Variants in THSD7A observed in about 807,000 individuals in gnomAD.
THSD7A encodes the protein thrombospondin type-1 domain-containing protein 7A.
Under a neutral mutation model 231.3 loss-of-function variants are expected in THSD7A, and 96 were observed. That is an observed-to-expected ratio of 0.41 (90% CI 0.35 to 0.49). THSD7A has a LOEUF of 0.49. Ranked by LOEUF, THSD7A falls within the 20% of genes least tolerant of loss-of-function variation. The pLI, the probability that THSD7A is intolerant of heterozygous loss-of-function variation, is 0.05. For synonymous variants in THSD7A, 940 were observed against 743.3 expected (o/e 1.26, Z -4.30); for missense variants, 2,290 against 2,070.2 (o/e 1.11, Z -2.06).
At chr7:11,529,642 C>A (rs953900630) in intron 6 of THSD7A, among the ~76,000 whole-genome samples, 1 of 152,028 alleles carries the variant, frequency 6.6e-6, no homozygotes, top group African/African-American at 2.4e-5. Flanking sequence ...GCATGCCTTG[C>A]TTGCCCTTTG....
chr7:11,816,220 G>C (rs1358144341), intron 1 of THSD7A, among the ~76,000 whole-genome samples: 46 of 152,138 alleles, frequency 3.0e-4, no homozygotes, highest in Admixed American at 2.9e-3. Context: ...CCATAAAATA[G>C]GTACTAAGTG....
At chr7:11,754,947 T>C (rs764633285) in intron 1 of THSD7A, among the ~76,000 whole-genome samples, 1 of 152,054 alleles carries the variant, frequency 6.6e-6, no homozygotes, top group Admixed American at 6.6e-5. Context: ...ATAGTTTATG[T>C]TGAGTAAAAA....
At chr7:11,662,871 T>TA (rs1782983789) in intron 1 of THSD7A, among the ~76,000 whole-genome samples, 2 of 151,180 alleles carry the variant, frequency 1.3e-5, no homozygotes, top group East Asian at 3.9e-4. Context: ...CATATGAAAA[T>TA]AAAAATGTGC....
At chr7:11,749,577 G>A (rs1417933086) in intron 1 of THSD7A, among the ~76,000 whole-genome samples, 1 of 151,868 alleles carries the variant, frequency 6.6e-6, no homozygotes. Context: ...ATTGCTGAAG[G>A]GTATTTGTTT....
chr7:11,389,913 T>C (rs186787659), intron 23 of THSD7A, among the ~76,000 whole-genome samples: 2 of 152,190 alleles, frequency 1.3e-5, no homozygotes, highest in Admixed American at 6.5e-5. Flanking sequence ...TTGAAAATTC[T>C]TTTCTTTAAG....
intron 1 of THSD7A, among the ~76,000 whole-genome samples, chr7:11,745,125 A>G (rs1401655979): frequency 3.3e-5 from 5 of 151,892 alleles, no homozygotes; most frequent in Admixed American, 1.3e-4. Flanking sequence ...ACTTTTTAAT[A>G]ATCGCCACTC....
rs115280117 is a variant in THSD7A, at chr7:11,480,332, T to C, written c.2017+1456A>G. 6.1e-3 allele frequency among the ~76,000 whole-genome samples: 923 copies of C among 152,262 alleles called. 14 individuals carry two copies. Among genetic ancestry groups the C allele is most frequent in the African/African-American group, 0.021 (870 of 41,556 alleles). ...CAAGCATGGCAAAATCCTTGCCATG[T>C]GACTCGGGGTGGGGTGAAAAGTCAT... On this transcript the variant is annotated intron_variant, in intron 7 of 27. Transcript: ENST00000423059.
chr7:11,659,109 C>T (rs900324903), intron 1 of THSD7A, among the ~76,000 whole-genome samples: 1 of 151,672 alleles, frequency 6.6e-6, no homozygotes, highest in African/African-American at 2.4e-5. Context: ...AGTTATTACT[C>T]ATTTGTCACT....
At chr7:11,626,798 A>G (rs1441020588) in intron 2 of THSD7A, among the ~76,000 whole-genome samples, 1 of 152,182 alleles carries the variant, frequency 6.6e-6, no homozygotes, top group East Asian at 1.9e-4. Context: ...TAAAGAAAAT[A>G]TAACAACAGC....
At chr7:11,771,609 C>A (rs1387651538) in intron 1 of THSD7A, among the ~76,000 whole-genome samples, 1 of 149,338 alleles carries the variant, frequency 6.7e-6, no homozygotes, top group African/African-American at 2.5e-5. Flanking sequence ...TTTTTTTTTC[C>A]TGGAGTAAAT....
At chr7:11,756,507 A>G (rs1027841612) in intron 1 of THSD7A, among the ~76,000 whole-genome samples, 1 of 152,102 alleles carries the variant, frequency 6.6e-6, no homozygotes, top group Non-Finnish European at 1.5e-5. Context: ...TGTCTAATGC[A>G]CTTGTTTGGT....
intron 6 of THSD7A, among the ~76,000 whole-genome samples, chr7:11,485,928 G>C (rs1305618363): frequency 1.3e-5 from 2 of 152,152 alleles, no homozygotes; most frequent in African/African-American, 4.8e-5. Context: ...TTAAATTTTT[G>C]ATTTTGCTTT....
At chr7:11,574,691 C>T (rs1359272011) in intron 4 of THSD7A, among the ~76,000 whole-genome samples, 1 of 152,136 alleles carries the variant, frequency 6.6e-6, no homozygotes, top group East Asian at 1.9e-4. Flanking sequence ...CCACCTCGGC[C>T]TCCCAAAGTG....
intron 1 of THSD7A, among the ~76,000 whole-genome samples, chr7:11,770,949 T>C (rs1554275972): frequency 6.6e-6 from 1 of 151,660 alleles, no homozygotes; most frequent in Non-Finnish European, 1.5e-5. Flanking sequence ...TAAATTTGCC[T>C]AATAAATATA....
At chr7:11,499,064 T>C (rs1250381007) in intron 6 of THSD7A, among the ~76,000 whole-genome samples, 1 of 152,182 alleles carries the variant, frequency 6.6e-6, no homozygotes, top group Non-Finnish European at 1.5e-5. Context: ...CCACTGCCTC[T>C]GTAGTGGAAC....
chr7:11,716,545 T>C (rs1402856271), intron 1 of THSD7A, among the ~76,000 whole-genome samples: 3 of 151,626 alleles, frequency 2.0e-5, no homozygotes, highest in Non-Finnish European at 4.4e-5. Context: ...CTTTGGTAAC[T>C]TGGAACTCAG....
chr7:11,828,914 A>T (rs538095868), intron 1 of THSD7A, among the ~76,000 whole-genome samples: 87 of 152,260 alleles, frequency 5.7e-4, no homozygotes, highest in Admixed American at 2.6e-3. Flanking sequence ...CCAACCCCTT[A>T]TCTATCTTCC....
intron 13 of THSD7A, among the ~76,000 whole-genome samples, chr7:11,442,017 T>C (rs192430191): frequency 3.1e-4 from 47 of 152,186 alleles, no homozygotes; most frequent in African/African-American, 9.6e-4. Flanking sequence ...TAAAAAATTG[T>C]TGCTATAGTG....
intron 16 of THSD7A, among the ~76,000 whole-genome samples, chr7:11,418,321 T>C (rs961708338): frequency 6.6e-6 from 1 of 152,222 alleles, no homozygotes; most frequent in Non-Finnish European, 1.5e-5. Context: ...TTCCATTTTA[T>C]TCTCCTGTAA....
Sources: gnomAD v4.1 joint callset for allele counts (sites outside exome capture counted in the v4.1 genomes callset) on GRCh38, gnomAD v4.1.1 for gene constraint, MANE v1.5 for transcripts, NCBI Gene and HGNC (gene_info 2026-07-23, HGNC 2026-07-21) for gene names.